The following FBXL17 variants were observed in gnomAD, a reference collection of about 807,000 sequenced individuals.
The protein encoded by FBXL17 is F-box/LRR-repeat protein 17.
In FBXL17, 22 loss-of-function variants were observed where a neutral mutation model predicts 66.2. The ratio of observed to expected loss-of-function variants is 0.33; its 90% CI spans 0.24 to 0.47. The LOEUF is 0.47. FBXL17 is among the 20% of genes least tolerant of loss of function. The pLI is 1.00. For synonymous variants in FBXL17, 474 were observed against 400.5 expected, an observed-to-expected ratio of 1.18 and a Z score of -2.19; for missense variants, 878 against 948.2, an observed-to-expected ratio of 0.93 and a Z score of 0.97.
intron 6 of FBXL17, among the ~76,000 whole-genome samples, chr5:108,134,725 T>C (rs1346309542): frequency 2.0e-5 from 3 of 152,188 alleles, no homozygotes; most frequent in African/African-American, 7.2e-5. Flanking sequence ...GTATGTGTAC[T>C]ATATTGATGT....
At position 107,980,645 on chromosome 5, in the gene FBXL17, A is replaced by AATATATATATATATATAT. The variant is rs61438456; in HGVS notation, c.1822+40262_1822+40279dup. Among the ~76,000 whole-genome samples the AATATATATATATATATAT allele has an allele frequency of 3.9e-3, 307 of 78,492 alleles. 1 individual carries two copies. Among genetic ancestry groups the AATATATATATATATATAT allele is most frequent in the Non-Finnish European group, 5.0e-3 (224 of 45,024 alleles). 51.5% of individuals were successfully genotyped at this position (78,492 alleles called of 152,430 possible). On this transcript the variant is annotated intron_variant, in intron 7 of 8. Coordinates refer to ENST00000542267, the MANE Select transcript of FBXL17 (RefSeq NM_001163315.3). The stretch of plus-strand genomic sequence containing the variant: ...AGCCACCATGACTGGCCAATAAAAT[A>AATATATATATATATATAT]ATATATATATATATATATATTTTTT...
intron 6 of FBXL17, among the ~76,000 whole-genome samples, chr5:108,060,813 C>T (rs1037634260): frequency 2.0e-5 from 3 of 151,978 alleles, no homozygotes; most frequent in Admixed American, 6.6e-5. Context: ...GCATGTATTA[C>T]ATCAATCCGC....
At chr5:108,102,746 C>G (rs1438708502) in intron 6 of FBXL17, among the ~76,000 whole-genome samples, 1 of 152,136 alleles carries the variant, frequency 6.6e-6, no homozygotes, top group Non-Finnish European at 1.5e-5. Context: ...TGAAAAGATA[C>G]TTCTGCAAAC....
intron 4 of FBXL17, among the ~76,000 whole-genome samples, chr5:108,323,576 T>C (rs962469980): frequency 5.3e-5 from 8 of 151,988 alleles, no homozygotes; most frequent in Non-Finnish European, 1.2e-4. Flanking sequence ...AAGGGCATTT[T>C]TTGCAGAAAA....
chr5:108,366,764 A>G (rs1748695519), intron 2 of FBXL17, among the ~76,000 whole-genome samples: 1 of 152,092 alleles, frequency 6.6e-6, no homozygotes, highest in South Asian at 2.1e-4. Context: ...AGTAAATAAC[A>G]AATTATCTTA....
intron 6 of FBXL17, among the ~76,000 whole-genome samples, chr5:108,129,628 T>C (rs899090204): frequency 3.9e-5 from 6 of 152,042 alleles, no homozygotes; most frequent in African/African-American, 1.4e-4. Flanking sequence ...ATGTCTCTAC[T>C]GAGATGAAAA....
At chr5:108,250,386 G>A (rs904771356) in intron 4 of FBXL17, among the ~76,000 whole-genome samples, 1 of 151,990 alleles carries the variant, frequency 6.6e-6, no homozygotes, top group Admixed American at 6.6e-5. Flanking sequence ...TTAATGTTCT[G>A]ACCTTTACAT....
chr5:108,149,741 T>C (rs1052063020), intron 6 of FBXL17, among the ~76,000 whole-genome samples: 8 of 152,216 alleles, frequency 5.3e-5, no homozygotes, highest in African/African-American at 9.6e-5. Context: ...CGGAAAAAAA[T>C]AGCCCTAACT....
intron 2 of FBXL17, among the ~76,000 whole-genome samples, chr5:108,365,839 T>G (rs1748625271): frequency 6.6e-6 from 1 of 152,088 alleles, no homozygotes; most frequent in African/African-American, 2.4e-5. Context: ...ATATTTGATG[T>G]CAGAAGTGGT....
intron 4 of FBXL17, among the ~76,000 whole-genome samples, chr5:108,326,579 G>C (rs1282093804): frequency 6.6e-6 from 1 of 151,952 alleles, no homozygotes; most frequent in Non-Finnish European, 1.5e-5. Flanking sequence ...CTCCAGCCTG[G>C]GTGACAGAGC....
At chr5:108,256,298 A>G (rs568372243) in intron 4 of FBXL17, among the ~76,000 whole-genome samples, 1 of 152,222 alleles carries the variant, frequency 6.6e-6, no homozygotes, top group Non-Finnish European at 1.5e-5. Flanking sequence ...TTATCTTGAC[A>G]TTCAAACAAA....
At chr5:108,080,951 A>C (rs1322236181) in intron 6 of FBXL17, among the ~76,000 whole-genome samples, 6 of 152,228 alleles carry the variant, frequency 3.9e-5, no homozygotes, top group Non-Finnish European at 5.9e-5. Context: ...GATCAGAAGG[A>C]AACCTGGAAA....
chr5:107,932,995 G>A (rs1256241791), intron 7 of FBXL17, among the ~76,000 whole-genome samples: 2 of 152,132 alleles, frequency 1.3e-5, no homozygotes, highest in Non-Finnish European at 2.9e-5. Flanking sequence ...AGACAAAATG[G>A]AATTGTATAG....
intron 3 of FBXL17, among the ~76,000 whole-genome samples, chr5:108,356,815 T>C (rs1748027702): frequency 6.6e-6 from 1 of 151,952 alleles, no homozygotes. Context: ...TAACATAAAT[T>C]ATGGGCTTTG....
chr5:108,078,368 T>A (rs942410651), intron 6 of FBXL17, among the ~76,000 whole-genome samples: 1 of 152,222 alleles, frequency 6.6e-6, no homozygotes, highest in African/African-American at 2.4e-5. Flanking sequence ...TTGTCATATG[T>A]GAAACTTTTT....
chr5:108,058,412 CTCTTTCTTTCTTCTTTCTTTCTCTT>C (rs906380084), intron 6 of FBXL17, among the ~76,000 whole-genome samples: 6 of 28,924 alleles, frequency 2.1e-4, no homozygotes, highest in African/African-American at 5.3e-4. Flanking sequence ...TTCTTTCTTT[CTCTTTCTTTCTTCTTTCTTTCTCTT>C]TCTTTCTTCT....
intron 4 of FBXL17, among the ~76,000 whole-genome samples, chr5:108,264,282 C>T (rs1273233758): frequency 6.7e-6 from 1 of 148,876 alleles, no homozygotes; most frequent in Non-Finnish European, 1.5e-5. Context: ...ATCATTTGGT[C>T]CTAACTGATT....
At chr5:108,109,302 C>T (rs1392105973) in intron 6 of FBXL17, among the ~76,000 whole-genome samples, 56 of 152,140 alleles carry the variant, frequency 3.7e-4, no homozygotes, top group Admixed American at 3.7e-3. Flanking sequence ...TCCCCTGAAG[C>T]AGGTCATAAG....
intron 7 of FBXL17, among the ~76,000 whole-genome samples, chr5:107,922,105 G>A (rs1399001564): frequency 1.3e-5 from 2 of 152,150 alleles, no homozygotes; most frequent in Non-Finnish European, 2.9e-5. Context: ...TTTCCAAAAT[G>A]GATTAAGCTC....
Sources: gnomAD v4.1 joint callset for allele counts (sites outside exome capture counted in the v4.1 genomes callset) on GRCh38, gnomAD v4.1.1 for gene constraint, MANE v1.5 for transcripts, NCBI Gene and HGNC (gene_info 2026-07-23, HGNC 2026-07-21) for gene names.